The following ITSN1 variants were observed in gnomAD, a reference collection of about 807,000 sequenced individuals.
ITSN1 encodes intersectin-1.
ITSN1 carries 58 observed loss-of-function variants against 239.8 expected under a neutral mutation model. That is an observed-to-expected ratio of 0.24 (90% CI 0.20 to 0.30). The LOEUF is 0.30. ITSN1 is among the 10% of genes least tolerant of loss of function. ITSN1 has a pLI of 1.00. For missense variants in ITSN1, 1,558 were observed against 2,103.3 expected, an observed-to-expected ratio of 0.74 and a Z score of 5.07; for synonymous variants, 780 against 770.8, an observed-to-expected ratio of 1.01 and a Z score of -0.20.
chr21:33,851,121 T>C (rs1296054622), intron 29 of ITSN1, among the ~76,000 whole-genome samples: 1 of 152,208 alleles, frequency 6.6e-6, no homozygotes, highest in Non-Finnish European at 1.5e-5. Context: ...GAACATTTGT[T>C]CTGGCATCAC....
At chr21:33,867,156 C>T in intron 32 of ITSN1, 77 bp from the exon 33 acceptor site, 1 of 826,438 alleles carries the variant, frequency 1.2e-6, no homozygotes. Flanking sequence ...GGAGAGTCCT[C>T]ACTGACATTA....
At chr21:33,651,897 T>C (rs927074697) in intron 1 of ITSN1, among the ~76,000 whole-genome samples, 2 of 152,258 alleles carry the variant, frequency 1.3e-5, no homozygotes, top group Admixed American at 1.3e-4. Context: ...TTATCTGTTA[T>C]CTTTAGTTGT....
rs112319566 is a variant in ITSN1, at chr21:33,775,078, C to T, written c.1566C>T (p.Ala522=). 2,278 of 1,613,716 alleles carry T rather than the reference C, an allele frequency of 1.4e-3. 29 individuals carry two copies. The African/African-American group carries it at 0.027, about 19-fold the overall frequency. Residue 522 remains alanine (A), a synonymous_variant, in exon 14 of 40, where the codon GCC becomes GCT. Coordinates refer to ENST00000381318, the MANE Select transcript of ITSN1 (RefSeq NM_003024.3). ...STNKSRELRI[A]EITHLQQQLQ... ...ACAAATCTAGAGAGTTGAGAATTGC[C>T]GAAATCACCCATCTACAGCAACAAT...
intron 34 of ITSN1, among the ~76,000 whole-genome samples, chr21:33,881,329 C>T (rs1320106182): frequency 6.6e-6 from 1 of 151,396 alleles, no homozygotes; most frequent in African/African-American, 2.4e-5. Context: ...ATGGCGTCAA[C>T]CCGGGAGGCG....
chr21:33,676,910 A>C (rs892543249), intron 1 of ITSN1, among the ~76,000 whole-genome samples: 2 of 152,008 alleles, frequency 1.3e-5, no homozygotes, highest in Non-Finnish European at 2.9e-5. Flanking sequence ...TTTTCGACAG[A>C]AAACCAAACA....
At position 33,829,606 on chromosome 21, in the gene ITSN1, T is replaced by C. The variant is rs745856329; in HGVS notation, c.3230-18T>C. The C allele has an allele frequency of 4.5e-5, 73 of 1,611,796 alleles. No homozygotes were observed. Among genetic ancestry groups the C allele is most frequent in the Non-Finnish European group, 5.5e-5 (65 of 1,179,880 alleles). ...TGACTCTTAACAGTGCACTGCCGTG[T>C]TTGATCTTGTTTTTCAGAAATTGCC... On this transcript the variant is annotated intron_variant, in intron 26 of 39. Coordinates refer to ENST00000381318, the MANE Select transcript of ITSN1 (RefSeq NM_003024.3).
chr21:33,711,065 G>A (rs934114114), intron 1 of ITSN1, among the ~76,000 whole-genome samples: 6 of 152,080 alleles, frequency 3.9e-5, no homozygotes, highest in African/African-American at 9.7e-5. Context: ...ATGAGCCACC[G>A]CGCCTGGCCG....
chr21:33,753,411 T>TA (rs1180734104), intron 7 of ITSN1, among the ~76,000 whole-genome samples: 3 of 152,094 alleles, frequency 2.0e-5, no homozygotes, highest in Non-Finnish European at 4.4e-5. Flanking sequence ...TACAGCTTAG[T>TA]GCATGGTGGA....
chr21:33,868,600 G>A (rs533443700), intron 33 of ITSN1, among the ~76,000 whole-genome samples: 4 of 152,326 alleles, frequency 2.6e-5, no homozygotes, highest in South Asian at 2.1e-4. Flanking sequence ...AGGGCCGGCC[G>A]GCTGCTCCGA....
chr21:33,672,861 G>T (rs2090376526), intron 1 of ITSN1, among the ~76,000 whole-genome samples: 1 of 152,174 alleles, frequency 6.6e-6, no homozygotes, highest in South Asian at 2.1e-4. Context: ...ACAGGTGCGT[G>T]CCACCACGCC....
At chr21:33,825,198 T>A (rs2073913243) in intron 25 of ITSN1, among the ~76,000 whole-genome samples, 1 of 152,194 alleles carries the variant, frequency 6.6e-6, no homozygotes, top group African/African-American at 2.4e-5. Flanking sequence ...AAACACACAG[T>A]GACTTTTTTT....
chr21:33,688,511 G>A (rs2091355822), intron 1 of ITSN1, among the ~76,000 whole-genome samples: 1 of 152,206 alleles, frequency 6.6e-6, no homozygotes, highest in Admixed American at 6.5e-5. Context: ...CATGGTTTGT[G>A]TGCTTTTTAT....
chr21:33,744,262 A>G (rs2067047910), intron 5 of ITSN1, among the ~76,000 whole-genome samples: 1 of 152,204 alleles, frequency 6.6e-6, no homozygotes, highest in South Asian at 2.1e-4. Flanking sequence ...ACAAATAAGT[A>G]ATTACGGAAT....
At chr21:33,724,398 A>C (rs932513404) in intron 4 of ITSN1, among the ~76,000 whole-genome samples, 2 of 152,242 alleles carry the variant, frequency 1.3e-5, no homozygotes, top group Non-Finnish European at 2.9e-5. Flanking sequence ...TGAGCACAGA[A>C]GCCCTGTTCT....
At position 33,842,495 on chromosome 21, in the gene ITSN1, GGTGTGT is replaced by G. The variant is rs34019939; in HGVS notation, c.3661+5893_3661+5898del. Among the ~76,000 whole-genome samples, 1,452 of 148,028 alleles carry G rather than the reference GGTGTGT, an allele frequency of 9.8e-3. 15 individuals are homozygous for G. Among genetic ancestry groups the G allele is most frequent in the African/African-American group, 0.013 (510 of 40,368 alleles). ...CATGCTGTTGTTTTATGATGTCAAC[GGTGTGT>G]GTGTGTGTGTGTGTGTGTGTGTGTG... On this transcript the variant is annotated intron_variant, in intron 29 of 39. Transcript: ENST00000381318.
chr21:33,735,824 G>T (rs748200168), intron 5 of ITSN1, among the ~76,000 whole-genome samples: 3 of 151,920 alleles, frequency 2.0e-5, no homozygotes, highest in Non-Finnish European at 4.4e-5. Context: ...TCAACATGGC[G>T]AAATCCCATC....
At chr21:33,843,477 C>T (rs1354353223) in intron 29 of ITSN1, among the ~76,000 whole-genome samples, 2 of 152,214 alleles carry the variant, frequency 1.3e-5, no homozygotes, top group African/African-American at 4.8e-5. Flanking sequence ...ACTTAAGACA[C>T]CCTCAGTCTG....
chr21:33,667,264 GT>G (rs34984373), intron 1 of ITSN1, among the ~76,000 whole-genome samples: 5 of 142,048 alleles, frequency 3.5e-5, no homozygotes, highest in Non-Finnish European at 4.7e-5. Flanking sequence ...GGATTTTTTT[GT>G]TTTTTTTTTA....
intron 29 of ITSN1, among the ~76,000 whole-genome samples, chr21:33,849,947 C>A (rs1311899290): frequency 2.0e-5 from 3 of 152,098 alleles, no homozygotes; most frequent in Non-Finnish European, 1.5e-5. Context: ...GGAGAGGGCA[C>A]AGTGAGAGCA....
Sources: allele counts gnomAD v4.1 joint callset (sites outside exome capture counted in the v4.1 genomes callset), GRCh38; gene constraint gnomAD v4.1.1; transcripts MANE v1.5; gene names NCBI Gene and HGNC (gene_info 2026-07-23, HGNC 2026-07-21).